Variants in MMP16 observed in about 807,000 individuals in gnomAD.
MMP16 encodes matrix metalloproteinase-16.
A neutral mutation model predicts 67.8 loss-of-function variants in MMP16; 12 were observed. The observed-to-expected ratio is 0.18, with a 90% confidence interval of 0.11 to 0.29. MMP16 has a LOEUF of 0.29. MMP16 is among the 10% of genes least tolerant of loss of function. MMP16 has a pLI of 1.00. For missense variants in MMP16, 475 were observed against 765.7 expected (o/e 0.62, Z 4.48); for synonymous variants, 249 against 255.9 (o/e 0.97, Z 0.26).
intron 1 of MMP16, among the ~76,000 whole-genome samples, chr8:88,281,383 C>T (rs1219757148): frequency 6.6e-6 from 1 of 152,140 alleles, no homozygotes; most frequent in African/African-American, 2.4e-5. Flanking sequence ...TTCCAACATG[C>T]TTCTTCATCA....
intron 6 of MMP16, among the ~76,000 whole-genome samples, chr8:88,096,269 GATT>G (rs1809025051): frequency 6.6e-6 from 1 of 151,868 alleles, no homozygotes; most frequent in African/African-American, 2.4e-5. Flanking sequence ...GATCCTATGA[GATT>G]ATTATGGAAG....
chr8:88,160,563 C>A (rs147282642), intron 4 of MMP16, among the ~76,000 whole-genome samples: 1 of 152,150 alleles, frequency 6.6e-6, no homozygotes, highest in African/African-American at 2.4e-5. Context: ...CAGAGAAATG[C>A]AAATCAAAAC....
At chr8:88,055,548 GA>G (rs1193621784) in intron 8 of MMP16, among the ~76,000 whole-genome samples, 1 of 152,076 alleles carries the variant, frequency 6.6e-6, no homozygotes, top group African/African-American at 2.4e-5. Flanking sequence ...CTCATTTTGT[GA>G]ACACTGTTAG....
intron 6 of MMP16, among the ~76,000 whole-genome samples, chr8:88,107,984 G>T (rs967178410): frequency 6.6e-6 from 1 of 150,800 alleles, no homozygotes; most frequent in Admixed American, 6.6e-5. Context: ...AATCATCTTA[G>T]GTACTTAATA....
chr8:88,233,128 T>A (rs956331545), intron 1 of MMP16, among the ~76,000 whole-genome samples: 22 of 152,174 alleles, frequency 1.4e-4, no homozygotes, highest in African/African-American at 5.3e-4. Context: ...TAGAATTAAA[T>A]CAGGTAATAC....
intron 4 of MMP16, among the ~76,000 whole-genome samples, chr8:88,141,287 G>A (rs1187304268): frequency 6.6e-6 from 1 of 152,152 alleles, no homozygotes; most frequent in Non-Finnish European, 1.5e-5. Flanking sequence ...AATAGCTAGT[G>A]AAAATTCACA....
At chr8:88,236,174 G>C (rs893811037) in intron 1 of MMP16, among the ~76,000 whole-genome samples, 1 of 152,058 alleles carries the variant, frequency 6.6e-6, no homozygotes, top group African/African-American at 2.4e-5. Flanking sequence ...ACAAAGGAGA[G>C]GAGACAGAAC....
At chr8:88,263,236 C>T (rs895309642) in intron 1 of MMP16, among the ~76,000 whole-genome samples, 3 of 151,698 alleles carry the variant, frequency 2.0e-5, no homozygotes, top group Non-Finnish European at 4.4e-5. Context: ...CATAAAGATG[C>T]AATTTCCTAA....
At chr8:88,044,077 C>A (rs573496458) in intron 9 of MMP16, among the ~76,000 whole-genome samples, 33 of 152,188 alleles carry the variant, frequency 2.2e-4, no homozygotes, top group Non-Finnish European at 2.6e-4. Flanking sequence ...CAACACAGTT[C>A]TGTAGGGCAC....
At chr8:88,067,021 T>C (rs1282593602) in intron 7 of MMP16, among the ~76,000 whole-genome samples, 1 of 152,124 alleles carries the variant, frequency 6.6e-6, no homozygotes, top group East Asian at 1.9e-4. Context: ...TTATAATCAT[T>C]ATAAGTTATA....
intron 1 of MMP16, among the ~76,000 whole-genome samples, chr8:88,229,786 G>A (rs1245889052): frequency 2.0e-5 from 3 of 152,014 alleles, no homozygotes. Flanking sequence ...TAACAAGAGA[G>A]ATGAAAATTC....
rs114984513 is a variant in MMP16 at position 88,060,931 on chromosome 8, G to A, written c.1223-4653C>T. Among the ~76,000 whole-genome samples the A allele has an allele frequency of 4.6e-3, 693 of 152,024 alleles. 4 individuals are homozygous for A. The highest frequency in any genetic ancestry group is 0.016 in the African/African-American group (662 of 41,492). ...AAAGGCTACATAAATAACATTGAGG[G>A]CATTAGTTTGGAATCTTGTTAGTAC... On this transcript the variant is annotated intron_variant, in intron 7 of 9. Coordinates refer to ENST00000286614, the MANE Select transcript of MMP16 (RefSeq NM_005941.5).
chr8:88,268,023 T>A (rs890578232), intron 1 of MMP16, among the ~76,000 whole-genome samples: 2 of 152,264 alleles, frequency 1.3e-5, no homozygotes, highest in Admixed American at 6.5e-5. Context: ...TGTACTGGGA[T>A]CTCCAGAGAA....
chr8:88,041,899 A>G lies in MMP16; in HGVS notation c.1490-104T>C. On this transcript the variant is annotated intron_variant, in intron 9 of 9. Coordinates refer to ENST00000286614, the MANE Select transcript of MMP16 (RefSeq NM_005941.5). This position sits in a 1 kb window ranked among gnomAD's most constrained non-coding sequence, Gnocchi z 6.0. ...GCTATGTCTTAAGAGATGTATTTTA[A>G]GGCCCTTTAATTTTCATAGGAAGAA... 2 of 856,924 alleles carry G rather than the reference A, an allele frequency of 2.3e-6. No homozygotes were observed. Among genetic ancestry groups the G allele is most frequent in the Non-Finnish European group, 1.8e-6 (1 of 563,900 alleles). The allele number at this position is 856,924 out of a possible 1,614,324, so 53.1% of individuals were successfully genotyped here.
intron 1 of MMP16, among the ~76,000 whole-genome samples, chr8:88,320,723 C>T (rs1224878694): frequency 1.3e-5 from 2 of 152,128 alleles, no homozygotes; most frequent in East Asian, 3.9e-4. Context: ...CCAAGTTCTT[C>T]CAAGCCATTG....
chr8:88,183,247 T>G (rs2129743857), intron 3 of MMP16, among the ~76,000 whole-genome samples: 1 of 152,324 alleles, frequency 6.6e-6, no homozygotes, highest in East Asian at 1.9e-4. Flanking sequence ...TTAACTAATC[T>G]ACTATGCTAA....
chr8:88,103,175 C>T (rs1158329607), intron 6 of MMP16, among the ~76,000 whole-genome samples: 1 of 151,916 alleles, frequency 6.6e-6, no homozygotes. Context: ...TAACTTTACA[C>T]CCGCACATGC....
In MMP16 at chr8:88,037,000, G is replaced by A. The variant is rs936439272; in HGVS notation, c.*4461C>T. The A allele has an allele frequency of 1.4e-4, 21 of 151,082 alleles. No individual in the cohort carries two copies. Among genetic ancestry groups the A allele is most frequent in the Admixed American group, 1.3e-3 (20 of 15,036 alleles). The allele number at this position is 151,082 out of a possible 1,614,324, so 9.4% of individuals were successfully genotyped here. A position where few individuals can be genotyped will look rare whatever the true frequency, so the allele number is the denominator to read the frequency against. On this transcript the variant is annotated 3_prime_UTR_variant, in exon 10 of 10. Coordinates refer to ENST00000286614, the MANE Select transcript of MMP16 (RefSeq NM_005941.5). ...TTTTTTCATGACTCAGTTTAACTCA[G>A]TCTGTCTGTCTGCTTATAACATCCA...
intron 1 of MMP16, among the ~76,000 whole-genome samples, chr8:88,197,779 A>C (rs1809280126): frequency 6.6e-6 from 1 of 152,192 alleles, no homozygotes; most frequent in African/African-American, 2.4e-5. Flanking sequence ...GACGTGTAGC[A>C]TCTTTACAGA....
Sources: allele counts gnomAD v4.1 joint callset (sites outside exome capture counted in the v4.1 genomes callset), GRCh38; gene constraint gnomAD v4.1.1; non-coding constraint Gnocchi (gnomAD v3.1); transcripts MANE v1.5; gene names NCBI Gene and HGNC (gene_info 2026-07-23, HGNC 2026-07-21).